The following CYBB variants were observed in gnomAD, a reference collection of about 807,000 sequenced individuals.
CYBB encodes cytochrome b-245 beta chain.
CYBB carries 5 observed loss-of-function variants against 46.5 expected under a neutral mutation model. That is an observed-to-expected ratio of 0.11 (90% CI 0.06 to 0.23). CYBB has a LOEUF of 0.23. CYBB is among the 10% of genes least tolerant of loss of function. CYBB has a pLI of 1.00. For synonymous variants in CYBB, 183 were observed against 156.7 expected (o/e 1.17, Z -1.26); for missense variants, 307 against 428.3 (o/e 0.72, Z 2.50).
intron 7 of CYBB, among the ~76,000 whole-genome samples, chrX:37,800,829 G>C (rs1055977596): frequency 3.6e-5 from 4 of 112,352 alleles, no homozygotes; most frequent in African/African-American, 6.5e-5. Context: ...ATTTGTCACT[G>C]TGACTACATA....
rs1024723194 is a variant in CYBB at position 37,790,346 on chromosome X, A to G, written c.253-1629A>G. 1.3e-4 allele frequency among the ~76,000 whole-genome samples: 15 copies of G among 111,769 alleles called. No homozygotes were observed. In the East Asian group the frequency reaches 3.9e-3, roughly 29 times the overall value. The stretch of plus-strand genomic sequence containing the variant: ...CAGGTTTCTAGGCACTTAGAATAAT[A>G]GTGACTATATTCCTGCATTTGGTTT... On this transcript the variant is annotated intron_variant, in intron 3 of 12. Coordinates refer to ENST00000378588, the MANE Select transcript of CYBB (RefSeq NM_000397.4).
intron 8 of CYBB, among the ~76,000 whole-genome samples, chrX:37,803,279 T>TTTTA (rs1556470543): frequency 4.9e-4 from 54 of 110,437 alleles, no homozygotes; most frequent in African/African-American, 1.6e-3. Flanking sequence ...GCCATTAAAA[T>TTTTA]ATGGCAAAAC....
intron 5 of CYBB, among the ~76,000 whole-genome samples, chrX:37,795,331 T>C (rs1388680785): frequency 9.0e-6 from 1 of 111,664 alleles, no homozygotes; most frequent in Non-Finnish European, 1.9e-5. Context: ...GGATAAACTC[T>C]AAGTTGTAAC....
rs4595265 is a variant in CYBB, at chrX:37,783,152, G to T, written c.142-338G>T. ...CAAAAATTAGATGAGTTGATGGATG[G>T]ATACAGGAATGGATAGATAGAATGT... On this transcript the variant is annotated intron_variant, in intron 2 of 12. Coordinates refer to ENST00000378588, the MANE Select transcript of CYBB (RefSeq NM_000397.4). 0.12 allele frequency among the ~76,000 whole-genome samples: 13,156 copies of T among 111,257 alleles called. 639 individuals are homozygous for T. The highest frequency in any genetic ancestry group is 0.16 in the Non-Finnish European group (8,423 of 52,988).
chrX:37,787,903 A>G (rs1929106250), intron 3 of CYBB, among the ~76,000 whole-genome samples: 1 of 111,737 alleles, frequency 8.9e-6, no homozygotes, highest in African/African-American at 3.3e-5. Context: ...GGTGGGAAAA[A>G]TTAGGGATTT....
At chrX:37,783,417 C>A in intron 2 of CYBB, 73 bp from the exon 3 acceptor site, 1 of 680,656 alleles carries the variant, frequency 1.5e-6, no homozygotes, top group Non-Finnish European at 2.4e-6. Context: ...ATGCTAAGAA[C>A]CTTGGGGAAG....
intron 5 of CYBB, 37 bp from the exon 6 acceptor site, chrX:37,795,890 ATGTGTGTGTGTGTGTGTGTGTGTG>A (rs57325016): frequency 3.3e-6 from 2 of 602,494 alleles, no homozygotes; most frequent in East Asian, 3.5e-5. Context: ...GCTTGCGCAC[ATGTGTGTGTGTGTGTGTGTGTGTG>A]TGTGTGTGTG....
intron 3 of CYBB, among the ~76,000 whole-genome samples, chrX:37,789,656 A>G (rs1929153973): frequency 8.9e-6 from 1 of 111,990 alleles, no homozygotes; most frequent in Admixed American, 9.4e-5. Flanking sequence ...AATGAACACA[A>G]AAGACAAGGA....
Position 37,810,870 on chromosome X carries a change from T to C in CYBB, c.1666T>C (p.Ser556Pro). The stretch of plus-strand genomic sequence containing the variant: ...TAAACAAAGCATCTCCAACTCTGAG[T>C]CTGGCCCTCGGGGAGTGCATTTCAT... ...LSKQSISNSE[S>P]GPRGVHFIFN... Residue 556 changes from serine to proline, a missense_variant, in exon 13 of 13, where the codon TCT (serine) becomes CCT (proline). Transcript: ENST00000378588. 1 of 1,208,240 alleles carries C rather than the reference T, an allele frequency of 8.3e-7. No individual in the cohort carries two copies. Among genetic ancestry groups the C allele is most frequent in the Non-Finnish European group, 1.1e-6 (1 of 892,397 alleles).
chrX:37,782,029 T>G, intron 1 of CYBB, 59 bp from the exon 2 acceptor site: 2 of 962,638 alleles, frequency 2.1e-6, no homozygotes, highest in Non-Finnish European at 3.0e-6. Context: ...GACTCCAGTC[T>G]TGTGTGGAAT....
chrX:37,801,571 A>G (rs1929439120), intron 8 of CYBB, among the ~76,000 whole-genome samples: 1 of 100,967 alleles, frequency 9.9e-6, no homozygotes, highest in African/African-American at 3.7e-5. Context: ...TCTGGACATC[A>G]ATCTCCCCCA....
In CYBB at chrX:37,805,167, A is replaced by G. The variant is rs1011161694; in HGVS notation, c.1313A>G (p.Lys438Arg). The change falls in exon 10 of 13, where the codon AAG (lysine) becomes AGG (arginine). Residue 438 changes from lysine (K) to arginine (R), a missense_variant and splice_region_variant. Around this residue, in one of 3 missense-constraint regions of CYBB, gnomAD observed 122 missense variants for 208.3 expected, o/e 0.59. Transcript: ENST00000378588. The stretch of plus-strand genomic sequence containing the variant: ...AACGCCACCAATCTGAAGCTCAAAA[A>G]GGTAAGTCCTTTCATTTATCGGAGG... ...CNNATNLKLK[K>R]IYFYWLCRDT... 2.1e-5 allele frequency: 25 copies of G among 1,208,874 alleles called. No homozygotes were observed. The Admixed American group carries it at 4.4e-4, about 21-fold the overall frequency.
chrX:37,804,906 T>A (rs890001668), intron 9 of CYBB, 100 bp from the exon 10 acceptor site: 20 of 878,955 alleles, frequency 2.3e-5, no homozygotes, highest in Non-Finnish European at 3.3e-5. Context: ...TTATTCCAAT[T>A]TGAATTAACA....
chrX:37,789,495 G>GGA (rs1929146251), intron 3 of CYBB, among the ~76,000 whole-genome samples: 1 of 83,074 alleles, frequency 1.2e-5, no homozygotes, highest in Non-Finnish European at 2.5e-5. Context: ...AAGAAAGAAA[G>GGA]AGAAAGAAAG....
chrX:37,792,045 T>C lies in CYBB; in HGVS notation c.323T>C (p.Ile108Thr), dbSNP rs782692316. The C allele has an allele frequency of 8.4e-7, 1 of 1,196,212 alleles. No individual in the cohort carries two copies. The highest frequency in any genetic ancestry group is 1.1e-6 in the Non-Finnish European group (1 of 881,578). ...LTFHKMVAWM[I>T]ALHSAIHTIA... Reference sequence around the variant, plus strand: ...TTTCATAAAATGGTGGCATGGATGATTGCACTTCACTCTGGTAAGTTTATT... The same window carrying C: ...TTTCATAAAATGGTGGCATGGATGACTGCACTTCACTCTGGTAAGTTTATT... The change falls in exon 4 of 13, where the codon ATT (isoleucine) becomes ACT (threonine). Residue 108 changes from isoleucine to threonine, a missense_variant. This residue lies in a region of CYBB where 103 missense variants were observed against 150.2 expected (regional missense o/e 0.69). Coordinates refer to ENST00000378588, the MANE Select transcript of CYBB (RefSeq NM_000397.4).
In CYBB at chrX:37,783,501, A is replaced by G. The variant is rs782748288; in HGVS notation, c.153A>G (p.Ala51=). Residue 51 remains alanine, a synonymous_variant, in exon 3 of 13, where the codon GCA becomes GCG. Coordinates refer to ENST00000378588, the MANE Select transcript of CYBB (RefSeq NM_000397.4). ...CCCGCCTCTTCTAGTCAGCACTGGC[A>G]CTGGCCAGGGCCCCTGCAGCCTGCC... ...YTRKLLGSAL[A]LARAPAACLN... 6.7e-6 allele frequency: 8 copies of G among 1,202,873 alleles called. No homozygotes were observed. The African/African-American group carries it at 1.4e-4, about 21-fold the overall frequency.
At chrX:37,781,989 T>C in intron 1 of CYBB, 99 bp from the exon 2 acceptor site, 1 of 672,822 alleles carries the variant, frequency 1.5e-6, no homozygotes. Context: ...TTTGTCAAAG[T>C]TGGACTTGGG....
intron 2 of CYBB, 151 bp downstream of exon 2, chrX:37,782,334 C>T: frequency 2.0e-6 from 1 of 499,677 alleles, no homozygotes; most frequent in Non-Finnish European, 3.6e-6. Context: ...ACTTCCTGGG[C>T]AACAGTCACT....
chrX:37,792,191 T>C, intron 4 of CYBB, 132 bp downstream of exon 4: 1 of 497,409 alleles, frequency 2.0e-6, no homozygotes, highest in Non-Finnish European at 3.6e-6. Flanking sequence ...TTAATGAGTT[T>C]TGCTCAAAAG....
Sources: allele counts gnomAD v4.1 joint callset (sites outside exome capture counted in the v4.1 genomes callset), GRCh38; gene constraint gnomAD v4.1.1; regional missense constraint gnomAD v4.1.1; transcripts MANE v1.5; gene names NCBI Gene and HGNC (gene_info 2026-07-23, HGNC 2026-07-21).